The following SLC18B1 variants were observed in gnomAD, a reference collection of about 807,000 sequenced individuals.
SLC18B1 encodes solute carrier family 18 member B1, also known as MFS-type transporter SLC18B1.
A neutral mutation model predicts 53.9 loss-of-function variants in SLC18B1; 62 were observed. The observed-to-expected ratio is 1.15, with a 90% confidence interval of 0.94 to 1.42. The LOEUF (loss-of-function observed/expected upper bound fraction) is 1.42, where lower values mean the gene tolerates loss of function less well. Among genes scored for constraint, SLC18B1 ranks in the 40% most tolerant of loss-of-function variants. The probability of loss-of-function intolerance (pLI) is 0.00; values close to 1 mark genes in which losing one functional copy is unlikely to be tolerated. For missense variants in SLC18B1, 598 were observed against 547.3 expected, an observed-to-expected ratio of 1.09 and a Z score of -0.93; for synonymous variants, 217 against 200.9, an observed-to-expected ratio of 1.08 and a Z score of -0.68.
chr6:132,779,178 G>A lies in SLC18B1; in HGVS notation c.795+90C>T, dbSNP rs946077840. 24 of 1,475,256 alleles carry A rather than the reference G, an allele frequency of 1.6e-5. No individual in the cohort carries two copies. In the Admixed American group the frequency reaches 1.8e-4, roughly 11 times the overall value. 91.4% of individuals were successfully genotyped at this position (1,475,256 alleles called of 1,614,324 possible). ...CATTCTACCTTCTTCTCCCAGCCACGCAAGGGTCTTTCCACAGAGCAGGGC... is the reference window on the plus strand; with the variant it reads ...CATTCTACCTTCTTCTCCCAGCCACACAAGGGTCTTTCCACAGAGCAGGGC... On this transcript the variant is annotated intron_variant, in intron 7 of 13. Transcript: ENST00000275227.
chr6:132,770,815 G>A (rs1780949518), intron 13 of SLC18B1, 75 bp downstream of exon 13: 3 of 1,354,128 alleles, frequency 2.2e-6, no homozygotes, highest in South Asian at 1.3e-5. Flanking sequence ...AAGAATAAAT[G>A]TAAAATGTTA....
chr6:132,769,545 A>G lies in SLC18B1; in HGVS notation c.*725T>C. 1 of 152,242 alleles carries G rather than the reference A, an allele frequency of 6.6e-6. No individual in the cohort carries two copies. Among genetic ancestry groups the G allele is most frequent in the East Asian group, 1.9e-4 (1 of 5,196 alleles). 9.4% of individuals were successfully genotyped at this position (152,242 alleles called of 1,614,324 possible). A position where few individuals can be genotyped will look rare whatever the true frequency, so the allele number is the denominator to read the frequency against. ...AAAACAAAAACAAAACAGATGGTAG[A>G]GCCAAAAAACAGAGACATTAAAGGA... On this transcript the variant is annotated 3_prime_UTR_variant, in exon 14 of 14. Transcript: ENST00000275227.
chr6:132,789,594 A>G (rs1187071626), intron 4 of SLC18B1, 170 bp downstream of exon 4: 5 of 540,778 alleles, frequency 9.2e-6, no homozygotes, highest in Admixed American at 3.1e-5. Context: ...CTTAAAATCA[A>G]TGCCATTTAT....
At position 132,770,164 on chromosome 6, in the gene SLC18B1, G is replaced by T; in HGVS notation, c.*106C>A. ...TGACACTTCCAAGACACTGGCACGG[G>T]GTCCACGGAGTTTTGCGCGTAAAAT... is the stretch of plus-strand genomic sequence containing the variant. On this transcript the variant is annotated 3_prime_UTR_variant, in exon 14 of 14. Transcript: ENST00000275227. 1.2e-6 allele frequency: 1 copy of T among 868,284 alleles called. No individual in the cohort carries two copies. The highest frequency in any genetic ancestry group is 1.9e-6 in the Non-Finnish European group (1 of 524,468). The allele number at this position is 868,284 out of a possible 1,614,324, so 53.8% of individuals were successfully genotyped here.
intron 6 of SLC18B1, among the ~76,000 whole-genome samples, chr6:132,781,937 C>T (rs1015210883): frequency 6.6e-6 from 1 of 151,878 alleles, no homozygotes; most frequent in Non-Finnish European, 1.5e-5. Context: ...CCTGTAATCG[C>T]AGCACTTTGG....
At chr6:132,782,246 C>T (rs1394127100) in intron 6 of SLC18B1, among the ~76,000 whole-genome samples, 1 of 150,552 alleles carries the variant, frequency 6.6e-6, no homozygotes, top group East Asian at 1.9e-4. Flanking sequence ...ATAACATTCA[C>T]ATTTCATGGA....
intron 7 of SLC18B1, among the ~76,000 whole-genome samples, chr6:132,777,521 G>C (rs188765852): frequency 4.9e-4 from 75 of 152,276 alleles, no homozygotes; most frequent in Admixed American, 1.9e-3. Flanking sequence ...AGACCATCCT[G>C]GCTAACACGG....
intron 4 of SLC18B1, among the ~76,000 whole-genome samples, chr6:132,788,283 T>A (rs1386611112): frequency 1.3e-5 from 2 of 152,024 alleles, no homozygotes; most frequent in East Asian, 3.9e-4. Flanking sequence ...GCCAAGCTTG[T>A]TTTCTTTTTT....
chr6:132,776,360 G>T lies in SLC18B1; in HGVS notation c.865C>A (p.Pro289Thr). The change falls in exon 8 of 14, where the codon CCA (proline) becomes ACA (threonine). Residue 289 changes from proline to threonine, a missense_variant. Physicochemically the swap from Pro to Thr is conservative, Grantham distance 38. Coordinates refer to ENST00000275227, the MANE Select transcript of SLC18B1 (RefSeq NM_052831.3). Reference sequence around the variant, plus strand: ...TTATCACTTAGGAGACCAAATAGTGGTGAAGAGATGGCATAGGACAGTGCC... The same window carrying T: ...TTATCACTTAGGAGACCAAATAGTGTTGAAGAGATGGCATAGGACAGTGCC... ...GMALSYAISS[P>T]LFGLLSDKRP... 6.2e-7 allele frequency: 1 copy of T among 1,613,410 alleles called. No individual in the cohort carries two copies. The highest frequency in any genetic ancestry group is 8.5e-7 in the Non-Finnish European group (1 of 1,179,694).
rs375565503 is a variant in SLC18B1 at position 132,784,045 on chromosome 6, A to T, written c.546T>A (p.Pro182=). 1.2e-5 allele frequency: 19 copies of T among 1,608,846 alleles called. No individual in the cohort carries two copies. The African/African-American group carries it at 2.3e-4, about 19-fold the overall frequency. Reference sequence around the variant, plus strand: ...ATTGATACAAAAAGCCACCTACAGGAGGACCTAGTATTAGCCCCAGTCCAG... The same window carrying T: ...ATTGATACAAAAAGCCACCTACAGGTGGACCTAGTATTAGCCCCAGTCCAG... ...TFSGLGLILG[P]PVGGFLYQSF... Residue 182 remains proline, a synonymous_variant, in exon 6 of 14, where the codon CCT becomes CCA. Coordinates refer to ENST00000275227, the MANE Select transcript of SLC18B1 (RefSeq NM_052831.3).
rs1394096255 is a variant in SLC18B1 at position 132,789,749 on chromosome 6, CA to C, written c.353+14del. ...ATCTGTTCAAGCTCCCAAATATAAT[CA>C]GAAAATGACTTACCCAAAGAGAATT... is the stretch of plus-strand genomic sequence containing the variant. On this transcript the variant is annotated intron_variant, in intron 4 of 13. Transcript: ENST00000275227. The C allele has an allele frequency of 1.9e-6, 3 of 1,584,748 alleles. No individual in the cohort carries two copies. Among genetic ancestry groups the C allele is most frequent in the African/African-American group, 2.7e-5 (2 of 74,236 alleles).
intron 6 of SLC18B1, among the ~76,000 whole-genome samples, chr6:132,781,843 G>C (rs1050802658): frequency 6.6e-6 from 1 of 151,926 alleles, no homozygotes; most frequent in African/African-American, 2.4e-5. Flanking sequence ...ATGAGTAAGG[G>C]TTAGGTAGAG....
chr6:132,775,419 A>G (rs1001624010), intron 8 of SLC18B1, among the ~76,000 whole-genome samples: 1 of 152,222 alleles, frequency 6.6e-6, no homozygotes, highest in African/African-American at 2.4e-5. Flanking sequence ...TTACAGGGGT[A>G]CCATATCTGC....
chr6:132,796,451 G>T (rs1256872212), intron 2 of SLC18B1, among the ~76,000 whole-genome samples: 2 of 148,016 alleles, frequency 1.4e-5, no homozygotes, highest in Admixed American at 6.8e-5. Flanking sequence ...AATTGAACCC[G>T]GGAGGCAGAG....
chr6:132,788,965 AC>A (rs1329150351), intron 4 of SLC18B1, among the ~76,000 whole-genome samples: 1 of 150,680 alleles, frequency 6.6e-6, no homozygotes, highest in African/African-American at 2.4e-5. Flanking sequence ...AAAATAAACG[AC>A]CCTTCCAAAA....
At chr6:132,790,774 A>G (rs79224753) in intron 2 of SLC18B1, among the ~76,000 whole-genome samples, 2,837 of 152,314 alleles carry the variant, frequency 0.019, 86 homozygotes, top group African/African-American at 0.062. Flanking sequence ...TCTGACAGTA[A>G]TACCAATTAC....
At chr6:132,782,869 G>A (rs1781272335) in intron 6 of SLC18B1, among the ~76,000 whole-genome samples, 1 of 151,408 alleles carries the variant, frequency 6.6e-6, no homozygotes, top group African/African-American at 2.4e-5. Flanking sequence ...CCGCCTCCTA[G>A]GTTCAAACAA....
At chr6:132,795,324 A>G (rs1424367597) in intron 2 of SLC18B1, among the ~76,000 whole-genome samples, 1 of 152,096 alleles carries the variant, frequency 6.6e-6, no homozygotes, top group Non-Finnish European at 1.5e-5. Flanking sequence ...AACACATCCC[A>G]TGCTTAGCCT....
chr6:132,785,897 C>CAAAAAAAAAAAAAAAAAAAAAAAA (rs71545048), intron 5 of SLC18B1, among the ~76,000 whole-genome samples: 65 of 81,078 alleles, frequency 8.0e-4, no homozygotes, highest in Non-Finnish European at 1.1e-3. Context: ...CCTGTCTCTA[C>CAAAAAAAAAAAAAAAAAAAAAAAA]AAAAAAAAAA....
Sources: allele counts gnomAD v4.1 joint callset (sites outside exome capture counted in the v4.1 genomes callset), GRCh38; gene constraint gnomAD v4.1.1; transcripts MANE v1.5; gene names NCBI Gene and HGNC (gene_info 2026-07-23, HGNC 2026-07-21).